PCDH11Y: variants seen among roughly 807,000 people sequenced by gnomAD.
The protein encoded by PCDH11Y is protocadherin 11 Y-linked, also known as protocadherin-11 Y-linked.
For synonymous variants in PCDH11Y, 9 were observed against 83.6 expected (o/e 0.11, Z 4.87); for missense variants, 12 against 224.8 (o/e 0.05, Z 6.05).
At chrY:5,508,198 T>C in intron 3 of PCDH11Y, among the ~76,000 whole-genome samples, 3 of 33,583 alleles carry the variant, frequency 8.9e-5, no homozygotes, top group Admixed American at 5.5e-4. Flanking sequence ...ACTCTCATGA[T>C]TGCTTTCATC....
chrY:5,137,407 A>G, intron 2 of PCDH11Y, among the ~76,000 whole-genome samples: 1 of 28,128 alleles, frequency 3.6e-5, no homozygotes, highest in Non-Finnish European at 8.4e-5. Flanking sequence ...GAGTAAAACA[A>G]TACCTCACAT....
At chrY:5,328,964 G>A (rs2124667109) in intron 2 of PCDH11Y, among the ~76,000 whole-genome samples, 1 of 32,071 alleles carries the variant, frequency 3.1e-5, no homozygotes, top group East Asian at 8.5e-4. Context: ...GAGACTAGGA[G>A]GGGACTGATG....
chrY:5,632,589 G>C, intron 4 of PCDH11Y, among the ~76,000 whole-genome samples: 1 of 32,051 alleles, frequency 3.1e-5, no homozygotes, highest in African/African-American at 1.2e-4. Context: ...TTATGGAATT[G>C]ATAAGAATAA....
At chrY:5,243,177 C>G (rs2052990601) in intron 2 of PCDH11Y, among the ~76,000 whole-genome samples, 1 of 33,813 alleles carries the variant, frequency 3.0e-5, no homozygotes. Context: ...TTGTTAAACA[C>G]CAGTTGTATT....
At chrY:5,222,352 C>T (rs2052955224) in intron 2 of PCDH11Y, among the ~76,000 whole-genome samples, 1 of 33,033 alleles carries the variant, frequency 3.0e-5, no homozygotes. Context: ...TGAGGGATTG[C>T]TTATATTGTA....
At chrY:5,257,287 A>G (rs2053012353) in intron 2 of PCDH11Y, among the ~76,000 whole-genome samples, 1 of 33,886 alleles carries the variant, frequency 3.0e-5, no homozygotes, top group African/African-American at 1.1e-4. Context: ...TTCTGGGATC[A>G]GTTGAAATGA....
intron 2 of PCDH11Y, among the ~76,000 whole-genome samples, chrY:5,255,402 A>G (rs2053009443): frequency 2.1e-4 from 7 of 34,107 alleles, no homozygotes; most frequent in Admixed American, 1.6e-3. Flanking sequence ...CTATGATTGA[A>G]TATCATTGTG....
At chrY:5,539,960 C>T (rs1602940352) in intron 3 of PCDH11Y, among the ~76,000 whole-genome samples, 1 of 32,675 alleles carries the variant, frequency 3.1e-5, no homozygotes, top group East Asian at 8.1e-4. Flanking sequence ...ATGACCTGCC[C>T]AAGGTAGCCT....
chrY:5,333,287 C>T (rs2053132943), intron 2 of PCDH11Y, among the ~76,000 whole-genome samples: 1 of 33,333 alleles, frequency 3.0e-5, no homozygotes, highest in Non-Finnish European at 7.4e-5. Flanking sequence ...TTTGATAAGC[C>T]GTAAGAGGTA....
At chrY:5,052,276 C>A (rs2052653757), upstream of PCDH11Y, among the ~76,000 whole-genome samples, 1 of 33,230 alleles carries the variant, frequency 3.0e-5, no homozygotes, top group African/African-American at 1.2e-4. Flanking sequence ...AAAATTGTAG[C>A]ATATAAACCA....
intron 2 of PCDH11Y, among the ~76,000 whole-genome samples, chrY:5,382,955 A>T: frequency 6.1e-5 from 2 of 33,046 alleles, no homozygotes; most frequent in Non-Finnish European, 1.5e-4. Context: ...TAATCCCAGC[A>T]CTTTGGGGGG....
intron 4 of PCDH11Y, among the ~76,000 whole-genome samples, chrY:5,675,613 T>C: frequency 8.9e-5 from 3 of 33,776 alleles, no homozygotes; most frequent in African/African-American, 3.5e-4. Flanking sequence ...AGTATGGAAA[T>C]TGGGTAATTC....
chrY:5,621,419 T>A (rs2053499967), intron 4 of PCDH11Y, among the ~76,000 whole-genome samples: 2 of 32,550 alleles, frequency 6.1e-5, no homozygotes, highest in Non-Finnish European at 1.5e-4. Flanking sequence ...TGGAAAAACA[T>A]TCCAGGCTCA....
At chrY:5,487,194 T>G (rs1602932807) in intron 2 of PCDH11Y, among the ~76,000 whole-genome samples, 6 of 31,971 alleles carry the variant, frequency 1.9e-4, no homozygotes, top group South Asian at 1.4e-3. Context: ...AATATTTTTT[T>G]TTGTTGTTTC....
At chrY:5,386,127 G>A (rs2053215016) in intron 2 of PCDH11Y, among the ~76,000 whole-genome samples, 1 of 33,369 alleles carries the variant, frequency 3.0e-5, no homozygotes, top group Non-Finnish European at 7.4e-5. Context: ...TAGTTTTGCT[G>A]GATACAATAC....
At chrY:5,418,523 A>G in intron 2 of PCDH11Y, among the ~76,000 whole-genome samples, 4 of 31,166 alleles carry the variant, frequency 1.3e-4, no homozygotes, top group Non-Finnish European at 3.1e-4. Flanking sequence ...CTTTTACTCT[A>G]TTCATTTAGT....
intron 4 of PCDH11Y, among the ~76,000 whole-genome samples, chrY:5,605,673 G>A: frequency 3.0e-5 from 1 of 33,131 alleles, no homozygotes; most frequent in Non-Finnish European, 7.4e-5. Context: ...AGTAAAACAT[G>A]TTTGCTTTGG....
chrY:5,073,434 AT>A (rs372102617), intron 1 of PCDH11Y, among the ~76,000 whole-genome samples: 3,957 of 27,835 alleles, frequency 0.14, no homozygotes, highest in African/African-American at 0.57. Flanking sequence ...TTAGGAATTC[AT>A]TTTTTTTTTT....
intron 1 of PCDH11Y, among the ~76,000 whole-genome samples, chrY:5,059,918 T>A: frequency 2.1e-4 from 7 of 33,104 alleles, no homozygotes; most frequent in African/African-American, 8.3e-4. Context: ...AGCCATGACA[T>A]GGGCGACTTT....
Sources: gnomAD v4.1 joint callset for allele counts (sites outside exome capture counted in the v4.1 genomes callset) on GRCh38, gnomAD v4.1.1 for gene constraint, MANE v1.5 for transcripts, NCBI Gene and HGNC (gene_info 2026-07-23, HGNC 2026-07-21) for gene names.